BTNL9: variants seen among roughly 807,000 people sequenced by gnomAD.
BTNL9 encodes the protein butyrophilin-like protein 9.
Under a neutral mutation model 45.8 loss-of-function variants are expected in BTNL9, and 45 were observed. That is an observed-to-expected ratio of 0.98 (90% CI 0.77 to 1.26). The LOEUF is 1.26. BTNL9 is among the 50% of genes most tolerant of loss of function. BTNL9 has a pLI of 0.00. For missense variants in BTNL9, 784 were observed against 729.7 expected, an observed-to-expected ratio of 1.07 and a Z score of -0.86; for synonymous variants, 346 against 330.8, an observed-to-expected ratio of 1.05 and a Z score of -0.50.
chr5:181,057,590 G>A (rs1249506306), intron 9 of BTNL9, among the ~76,000 whole-genome samples: 1 of 152,188 alleles, frequency 6.6e-6, no homozygotes, highest in African/African-American at 2.4e-5. Flanking sequence ...CTTTTTTAAA[G>A]TGAATGAACA....
At chr5:181,043,971 G>C (rs529873919) in intron 1 of BTNL9, among the ~76,000 whole-genome samples, 1 of 152,208 alleles carries the variant, frequency 6.6e-6, no homozygotes, top group Non-Finnish European at 1.5e-5. Context: ...ACACGGCCCC[G>C]CTTCGGGGGG....
chr5:181,053,203 T>C lies in BTNL9; in HGVS notation c.740T>C (p.Val247Ala). The C allele has an allele frequency of 6.3e-7, 1 of 1,578,532 alleles. No individual in the cohort carries two copies. Among genetic ancestry groups the C allele is most frequent in the Non-Finnish European group, 8.6e-7 (1 of 1,163,710 alleles). Residue 247 changes from valine (V) to alanine (A), a missense_variant, in exon 5 of 11, where the codon GTG (valine) becomes GCG (alanine). Val to Ala is a moderately conservative substitution (Grantham distance 64). Coordinates refer to ENST00000327705, the MANE Select transcript of BTNL9 (RefSeq NM_152547.5). This position sits in a 1 kb window ranked among gnomAD's most constrained non-coding sequence, Gnocchi z 6.5. ...KKELVVQIAD[V>A]FVPGASAWKS... ...GGCCCCCGCGGGTGTTTTCCAGACG[T>C]GTTCGTACCCGGAGCCTCTGCGTGG...
chr5:181,053,420 A>T lies in BTNL9; in HGVS notation c.854-49A>T. The T allele has an allele frequency of 6.5e-7, 1 of 1,545,462 alleles. No individual in the cohort carries two copies. The highest frequency in any genetic ancestry group is 8.7e-7 in the Non-Finnish European group (1 of 1,145,220). ...GACGCGGCGCGGGAAGGCGGCCTGG[A>T]AGGGGCGGGGGCGCGCACTCAGCCC... On this transcript the variant is annotated intron_variant, in intron 5 of 10. Transcript: ENST00000327705. The surrounding 1 kb of genome is among the most constrained non-coding windows in gnomAD (Gnocchi z 6.5).
intron 1 of BTNL9, among the ~76,000 whole-genome samples, chr5:181,044,961 TGA>T (rs1206952035): frequency 3.9e-5 from 6 of 152,232 alleles, no homozygotes; most frequent in Admixed American, 3.9e-4. Flanking sequence ...ACTCCACTTC[TGA>T]GAGAGCAGAA....
At position 181,053,382 on chromosome 5, in the gene BTNL9, C is replaced by G. The variant is rs1054727695; in HGVS notation, c.853+66C>G. The stretch of plus-strand genomic sequence containing the variant: ...GTGCTGAACCCCGGGGCCGCGGAGG[C>G]GCCTCCCCCCAGGACGCGGCGCGGG... On this transcript the variant is annotated intron_variant, in intron 5 of 10. Coordinates refer to ENST00000327705, the MANE Select transcript of BTNL9 (RefSeq NM_152547.5). This position sits in a 1 kb window ranked among gnomAD's most constrained non-coding sequence, Gnocchi z 6.5. 77 of 1,513,798 alleles carry G rather than the reference C, an allele frequency of 5.1e-5. No homozygotes were observed. Among genetic ancestry groups the G allele is most frequent in the Non-Finnish European group, 6.5e-5 (73 of 1,130,802 alleles). 93.8% of individuals were successfully genotyped at this position (1,513,798 alleles called of 1,614,324 possible). A position where few individuals can be genotyped will look rare whatever the true frequency, so the allele number is the denominator to read the frequency against.
chr5:181,043,230 CTA>C (rs1485336993), intron 1 of BTNL9, among the ~76,000 whole-genome samples: 9 of 34,636 alleles, frequency 2.6e-4, no homozygotes, highest in South Asian at 2.1e-3. Flanking sequence ...GTGTGTGTGT[CTA>C]TGTGTGTGTC....
Position 181,045,540 on chromosome 5 carries a change from C to T in BTNL9, c.51C>T (p.Thr17=), listed in dbSNP as rs759193687. The change falls in exon 2 of 11, where the codon ACC becomes ACT. Residue 17 remains threonine (T), a synonymous_variant. Transcript: ENST00000327705. ...ACTCCTTGAAGCCAGTATCGCTGAC[C>T]AGCAGTCTTGTCTTCCTCATGCACC... ...SPDSLKPVSL[T]SSLVFLMHLL... is the part of the protein sequence containing the mutation. 1.9e-6 allele frequency: 3 copies of T among 1,612,696 alleles called. No homozygotes were observed. The African/African-American group carries it at 4.0e-5, about 22-fold the overall frequency.
In BTNL9 at chr5:181,048,049, C is replaced by G. The variant is rs754295586; in HGVS notation, c.232C>G (p.Gln78Glu). Reference protein sequence around the residue: ...QQMEIRWFRSQTFNVVHLYQE... With the variant: ...QQMEIRWFRSETFNVVHLYQE... ...AATGGAGATCCGCTGGTTCCGGAGTCAGACCTTCAATGTGGTACACCTGTA... is the reference window on the plus strand; with the variant it reads ...AATGGAGATCCGCTGGTTCCGGAGTGAGACCTTCAATGTGGTACACCTGTA... Residue 78 changes from glutamine to glutamate, a missense_variant, in exon 3 of 11, where the codon CAG (glutamine) becomes GAG (glutamate). By Grantham distance (29) the Gln-to-Glu change is conservative (BLOSUM62 2). Coordinates refer to ENST00000327705, the MANE Select transcript of BTNL9 (RefSeq NM_152547.5). 6.2e-7 allele frequency: 1 copy of G among 1,613,780 alleles called. No individual in the cohort carries two copies. Among genetic ancestry groups the G allele is most frequent in the East Asian group, 2.2e-5 (1 of 44,890 alleles).
At chr5:181,052,996 GGCGCGCCCCCGCCCCCTCCGCCGC>G (rs778039674) in intron 4 of BTNL9, 180 bp from the exon 5 acceptor site, 5,962 of 144,924 alleles carry the variant, frequency 0.041, 194 homozygotes, top group South Asian at 0.13. Context: ...CACGCCCCGC[GGCGCGCCCCCGCCCCCTCCGCCGC>G]GCGCGCCCCC....
chr5:181,059,563 C>T lies in BTNL9; in HGVS notation c.1309C>T (p.Arg437Cys). ...CGAGTACTTCGTCCTGGCCCCGCACCGCGTCGCGCTCACCCTGCGCGTGCC... is the reference window on the plus strand; with the variant it reads ...CGAGTACTTCGTCCTGGCCCCGCACTGCGTCGCGCTCACCCTGCGCGTGCC... Reference protein sequence around the residue: ...GCEYFVLAPHRVALTLRVPPR... With the variant: ...GCEYFVLAPHCVALTLRVPPR... Residue 437 changes from arginine to cysteine, a missense_variant, in exon 11 of 11, where the codon CGC (arginine) becomes TGC (cysteine). Transcript: ENST00000327705. 1 of 1,611,534 alleles carries T rather than the reference C, an allele frequency of 6.2e-7. No individual in the cohort carries two copies. Among genetic ancestry groups the T allele is most frequent in the African/African-American group, 1.3e-5 (1 of 75,028 alleles).
intron 7 of BTNL9, chr5:181,054,677 T>C (rs1480530138): frequency 1.0e-6 from 1 of 985,122 alleles, no homozygotes; most frequent in Non-Finnish European, 1.2e-6. Context: ...ATGGGATGTG[T>C]CTCTGTAGAG....
chr5:181,057,528 A>G (rs1423035469), intron 9 of BTNL9, among the ~76,000 whole-genome samples: 1 of 152,218 alleles, frequency 6.6e-6, no homozygotes, highest in African/African-American at 2.4e-5. Context: ...TTTTACTGCT[A>G]TGGCTTTTGT....
In BTNL9 at chr5:181,053,414, G is replaced by C; in HGVS notation, c.854-55G>C. On this transcript the variant is annotated intron_variant, in intron 5 of 10. Transcript: ENST00000327705. The surrounding 1 kb of genome is among the most constrained non-coding windows in gnomAD (Gnocchi z 6.5). ...CCCCAGGACGCGGCGCGGGAAGGCG[G>C]CCTGGAAGGGGCGGGGGCGCGCACT... The C allele has an allele frequency of 6.5e-7, 1 of 1,543,338 alleles. No individual in the cohort carries two copies. Among genetic ancestry groups the C allele is most frequent in the South Asian group, 1.2e-5 (1 of 83,334 alleles).
chr5:181,059,180 GA>G, intron 10 of BTNL9, 56 bp from the exon 11 acceptor site: 2 of 1,425,288 alleles, frequency 1.4e-6, no homozygotes, highest in Non-Finnish European at 1.8e-6. Flanking sequence ...CCTTGGGGAA[GA>G]CACGGACGGG....
Position 181,059,588 on chromosome 5 carries a change from C to G in BTNL9, c.1334C>G (p.Pro445Arg). 1.2e-6 allele frequency: 2 copies of G among 1,612,962 alleles called. No individual in the cohort carries two copies. The highest frequency in any genetic ancestry group is 1.7e-6 in the Non-Finnish European group (2 of 1,179,872). ...PHRVALTLRV[P>R]PRRLGVFLDY... Reference sequence around the variant, plus strand: ...CGCGTCGCGCTCACCCTGCGCGTGCCCCCGCGGCGCCTGGGCGTCTTCCTG... The same window carrying G: ...CGCGTCGCGCTCACCCTGCGCGTGCGCCCGCGGCGCCTGGGCGTCTTCCTG... Residue 445 changes from proline (P) to arginine (R), a missense_variant, in exon 11 of 11, where the codon CCC becomes CGC. Physicochemically the swap from Pro to Arg is moderately radical, Grantham distance 103. Coordinates refer to ENST00000327705, the MANE Select transcript of BTNL9 (RefSeq NM_152547.5).
At position 181,045,593 on chromosome 5, in the gene BTNL9, G is replaced by C. The variant is rs1341106567; in HGVS notation, c.104G>C (p.Ser35Thr). Residue 35 changes from serine (S) to threonine (T), a missense_variant, in exon 2 of 11, where the codon AGC becomes ACC. Ser to Thr is a moderately conservative substitution (Grantham distance 58). Coordinates refer to ENST00000327705, the MANE Select transcript of BTNL9 (RefSeq NM_152547.5). Reference sequence around the variant, plus strand: ...CTCCTCCTTCAGCCTGGGGAGCCGAGCTCAGGTATTGTGTCTGCAGCCTAG... The same window carrying C: ...CTCCTCCTTCAGCCTGGGGAGCCGACCTCAGGTATTGTGTCTGCAGCCTAG... ...HLLLLQPGEP[S>T]SEVKVLGPEY... 1.2e-6 allele frequency: 2 copies of C among 1,610,338 alleles called. No homozygotes were observed. Among genetic ancestry groups the C allele is most frequent in the Non-Finnish European group, 1.7e-6 (2 of 1,177,552 alleles).
rs368314229 is a variant in BTNL9, at chr5:181,055,324, G to T, written c.908-109G>T. 7.6e-6 allele frequency: 12 copies of T among 1,578,010 alleles called. No individual in the cohort carries two copies. Among genetic ancestry groups the T allele is most frequent in the Admixed American group, 3.9e-5 (2 of 51,398 alleles). On this transcript the variant is annotated intron_variant, in intron 7 of 10. Coordinates refer to ENST00000327705, the MANE Select transcript of BTNL9 (RefSeq NM_152547.5). The surrounding 1 kb of genome is among the most constrained non-coding windows in gnomAD (Gnocchi z 4.4). ...GCTGTAAAAAAAAAAAAATGAAGCTGTGATTAGCAGTGGCTTAAGACTAAG... is the reference window on the plus strand; with the variant it reads ...GCTGTAAAAAAAAAAAAATGAAGCTTTGATTAGCAGTGGCTTAAGACTAAG...
rs1349755199 is a variant in BTNL9 at position 181,055,998 on chromosome 5, G to A, written c.938G>A (p.Arg313Gln). 4.3e-6 allele frequency: 7 copies of A among 1,613,980 alleles called. No individual in the cohort carries two copies. Among genetic ancestry groups the A allele is most frequent in the African/African-American group, 2.7e-5 (2 of 74,906 alleles). The change falls in exon 9 of 11, where the codon CGG becomes CAG. Residue 313 changes from arginine (R) to glutamine (Q), a missense_variant. Transcript: ENST00000327705. This position sits in a 1 kb window ranked among gnomAD's most constrained non-coding sequence, Gnocchi z 4.4. ...CCCTTGGTTGCTTCAGACTGGAGAC[G>A]GGCTGAAGGCCAGGCTGGTGAGTGG... ...EKLQTELDWR[R>Q]AEGQAEWRAA...
rs1312608305 is a variant in BTNL9, at chr5:181,042,505, A to G, written c.-24+2073A>G. ...ACCCTGGATCCTTAACTGAAGAGTG[A>G]GGTCAGAAAGGGCGGACGCACAGCA... On this transcript the variant is annotated intron_variant, in intron 1 of 10. Transcript: ENST00000327705. This position sits in a 1 kb window ranked among gnomAD's most constrained non-coding sequence, Gnocchi z 4.5. Among the ~76,000 whole-genome samples the G allele has an allele frequency of 1.3e-5, 2 of 152,178 alleles. No homozygotes were observed. Among genetic ancestry groups the G allele is most frequent in the East Asian group, 3.9e-4 (2 of 5,190 alleles).
Sources: gnomAD v4.1 joint callset for allele counts (sites outside exome capture counted in the v4.1 genomes callset) on GRCh38, gnomAD v4.1.1 for gene constraint, Gnocchi (gnomAD v3.1) non-coding constraint, MANE v1.5 for transcripts, NCBI Gene and HGNC (gene_info 2026-07-23, HGNC 2026-07-21) for gene names.